INPP4B: variants seen among roughly 807,000 people sequenced by gnomAD.
INPP4B encodes the protein inositol polyphosphate-4-phosphatase type II B, also known as inositol polyphosphate 4-phosphatase type II.
INPP4B carries 55 observed loss-of-function variants against 122.5 expected under a neutral mutation model. The ratio of observed to expected loss-of-function variants is 0.45; its 90% CI spans 0.36 to 0.56. The LOEUF is 0.56. Ranked by LOEUF, INPP4B falls within the 20% of genes least tolerant of loss-of-function variation. INPP4B has a pLI of 0.00. For missense variants in INPP4B, 1,000 were observed against 1,097.7 expected (o/e 0.91, Z 1.26); for synonymous variants, 403 against 388.7 (o/e 1.04, Z -0.43).
At chr4:142,306,045 T>G (rs1340623112) in intron 8 of INPP4B, 5 of 496,638 alleles carry the variant, frequency 1.0e-5, no homozygotes, top group Non-Finnish European at 1.3e-5. Flanking sequence ...TTTAAAAGCA[T>G]TTTTCCTTTG....
intron 1 of INPP4B, among the ~76,000 whole-genome samples, chr4:142,746,682 C>A (rs143264991): frequency 0.15 from 23,093 of 151,968 alleles, 3,434 homozygotes; most frequent in East Asian, 0.74. Flanking sequence ...ATATATAGAC[C>A]AATGGAACAG....
chr4:142,674,195 G>T (rs1580681720), intron 2 of INPP4B, among the ~76,000 whole-genome samples: 1 of 151,968 alleles, frequency 6.6e-6, no homozygotes, highest in East Asian at 1.9e-4. Flanking sequence ...TTCTCCCTCT[G>T]CCCACCTGCT....
At chr4:142,145,635 A>G (rs954055949) in intron 18 of INPP4B, among the ~76,000 whole-genome samples, 1 of 152,122 alleles carries the variant, frequency 6.6e-6, no homozygotes, top group Non-Finnish European at 1.5e-5. Context: ...AAAAAAAAAG[A>G]ACATTGCTAG....
intron 7 of INPP4B, chr4:142,384,169 A>G: frequency 2.9e-6 from 2 of 701,212 alleles, no homozygotes; most frequent in Non-Finnish European, 5.2e-6. Flanking sequence ...AGCTTCTAAA[A>G]ATGTTCAAGA....
At chr4:142,565,255 T>A (rs1425761929) in intron 2 of INPP4B, among the ~76,000 whole-genome samples, 2 of 151,956 alleles carry the variant, frequency 1.3e-5, no homozygotes, top group Non-Finnish European at 2.9e-5. Context: ...AAAAATAAGA[T>A]GAGCCTGAAA....
chr4:142,126,884 TTTAA>T (rs879259251), intron 18 of INPP4B, among the ~76,000 whole-genome samples: 11 of 152,280 alleles, frequency 7.2e-5, no homozygotes, highest in Non-Finnish European at 1.5e-4. Context: ...TCTCCCTTTA[TTTAA>T]TTGTTGTTCT....
chr4:142,591,811 TC>T (rs1737566063), intron 2 of INPP4B, among the ~76,000 whole-genome samples: 1 of 151,934 alleles, frequency 6.6e-6, no homozygotes, highest in African/African-American at 2.4e-5. Context: ...CCAGACAAAT[TC>T]CAGTAGAGAG....
intron 9 of INPP4B, among the ~76,000 whole-genome samples, chr4:142,300,965 T>A (rs1761157004): frequency 6.6e-6 from 1 of 152,084 alleles, no homozygotes; most frequent in Non-Finnish European, 1.5e-5. Context: ...GGTGGGGGTG[T>A]GGTGACATGT....
chr4:142,127,271 ATAACT>A (rs780733608), intron 18 of INPP4B, among the ~76,000 whole-genome samples: 17 of 152,196 alleles, frequency 1.1e-4, no homozygotes, highest in Non-Finnish European at 2.2e-4. Flanking sequence ...AATTTAAAAA[ATAACT>A]TAAGTGACCA....
At chr4:142,409,306 A>G (rs1804106588) in intron 5 of INPP4B, among the ~76,000 whole-genome samples, 1 of 152,216 alleles carries the variant, frequency 6.6e-6, no homozygotes, top group Non-Finnish European at 1.5e-5. Flanking sequence ...CAGCCTGGCC[A>G]ACATGGCAAA....
At chr4:142,759,445 C>T (rs1053612299) in intron 1 of INPP4B, among the ~76,000 whole-genome samples, 7 of 152,124 alleles carry the variant, frequency 4.6e-5, no homozygotes, top group African/African-American at 7.2e-5. Flanking sequence ...TAGTCCAAAT[C>T]CTTCCTCTTC....
At chr4:142,298,769 A>G (rs570455156) in intron 9 of INPP4B, among the ~76,000 whole-genome samples, 58 of 151,820 alleles carry the variant, frequency 3.8e-4, no homozygotes, top group African/African-American at 1.4e-3. Context: ...AATACTTGAT[A>G]TCACGAACAC....
chr4:142,656,432 G>T (rs1019814626), intron 2 of INPP4B, among the ~76,000 whole-genome samples: 8 of 152,278 alleles, frequency 5.3e-5, no homozygotes, highest in Middle Eastern at 3.4e-3. Context: ...TTCATCCTGG[G>T]ACTTCTGACA....
chr4:142,036,475 T>C (rs1272463487), intron 25 of INPP4B, among the ~76,000 whole-genome samples: 1 of 152,202 alleles, frequency 6.6e-6, no homozygotes, highest in African/African-American at 2.4e-5. Context: ...TCCTCCTGGC[T>C]GAGGAGTAGA....
chr4:142,807,074 G>A (rs1778957376), intron 1 of INPP4B, among the ~76,000 whole-genome samples: 1 of 152,102 alleles, frequency 6.6e-6, no homozygotes, highest in Non-Finnish European at 1.5e-5. Context: ...AATTTTTTGT[G>A]TTTGTAAGCA....
chr4:142,384,208 G>T, intron 7 of INPP4B: 1 of 679,668 alleles, frequency 1.5e-6, no homozygotes, highest in Non-Finnish European at 2.7e-6. Context: ...TAAGACAAAA[G>T]AAATACCTTA....
Position 142,720,809 on chromosome 4 carries a change from C to CTATA in INPP4B, c.-191+5026_-191+5029dup, listed in dbSNP as rs70949184. On this transcript the variant is annotated intron_variant, in intron 2 of 25. Transcript: ENST00000262992. ...TCTCTCTCTCTCTCTCTCTCTCTCT[C>CTATA]TATATATATATATATATATAGTTTT... 3.3e-3 allele frequency among the ~76,000 whole-genome samples: 43 copies of CTATA among 12,944 alleles called. 1 individual carries two copies. Among genetic ancestry groups the CTATA allele is most frequent in the East Asian group, 0.018 (2 of 114 alleles). The allele number at this position is 12,944 out of a possible 152,430, so 8.5% of individuals were successfully genotyped here.
intron 2 of INPP4B, among the ~76,000 whole-genome samples, chr4:142,722,486 T>C (rs1764816486): frequency 6.6e-6 from 1 of 152,192 alleles, no homozygotes; most frequent in Non-Finnish European, 1.5e-5. Context: ...TTTATAGTTC[T>C]GAGAGTTTCA....
intron 18 of INPP4B, among the ~76,000 whole-genome samples, chr4:142,138,606 C>T (rs1426149514): frequency 1.3e-5 from 2 of 152,102 alleles, no homozygotes; most frequent in South Asian, 4.2e-4. Flanking sequence ...AGATAGAGAT[C>T]ACTGTGCTTG....
Sources: gnomAD v4.1 joint callset for allele counts (sites outside exome capture counted in the v4.1 genomes callset) on GRCh38, gnomAD v4.1.1 for gene constraint, MANE v1.5 for transcripts, NCBI Gene and HGNC (gene_info 2026-07-23, HGNC 2026-07-21) for gene names.